The following BTD variants were observed in gnomAD, a reference collection of about 807,000 sequenced individuals.
BTD encodes the protein biocytinase.
Under a neutral mutation model 17.7 loss-of-function variants are expected in BTD, and 13 were observed. The observed-to-expected ratio is 0.74, with a 90% CI of 0.48 to 1.17. BTD has a LOEUF of 1.17. BTD is among the 50% of genes most tolerant of loss of function. BTD has a pLI of 0.00. For synonymous variants in BTD, 240 were observed against 245.2 expected, an observed-to-expected ratio of 0.98 and a Z score of 0.20; for missense variants, 674 against 650.4, an observed-to-expected ratio of 1.04 and a Z score of -0.39.
intron 2 of BTD, among the ~76,000 whole-genome samples, chr3:15,639,418 A>T (rs1224304380): frequency 6.6e-6 from 1 of 152,208 alleles, no homozygotes; most frequent in Non-Finnish European, 1.5e-5. Context: ...GGAACCAGTA[A>T]GATGGTAAAG....
chr3:15,716,199 C>G (rs1392530895), downstream of BTD, among the ~76,000 whole-genome samples: 1 of 150,780 alleles, frequency 6.6e-6, no homozygotes, highest in African/African-American at 2.4e-5. Flanking sequence ...CCAGGCTTGT[C>G]TTGAACTCAA....
intron 1 of BTD, chr3:15,630,035 G>A (rs2065167175): frequency 1.0e-6 from 1 of 985,350 alleles, no homozygotes; most frequent in Middle Eastern, 5.2e-4. Context: ...GTGTGTCACA[G>A]GGGGAATGGG....
downstream of BTD, chr3:15,713,500 G>A (rs752716647): frequency 6.3e-7 from 1 of 1,575,532 alleles, no homozygotes; most frequent in Non-Finnish European, 8.7e-7. Context: ...GCCTGTATCA[G>A]TTATCAACAC....
At chr3:15,708,177 C>A (rs772814439) in intron 3 of BTD, 1 of 1,214,400 alleles carries the variant, frequency 8.2e-7, no homozygotes. Context: ...TACAGTGAGA[C>A]TTAGACTACC....
intron 3 of BTD, among the ~76,000 whole-genome samples, chr3:15,643,228 C>A (rs2065585970): frequency 6.6e-6 from 1 of 152,070 alleles, no homozygotes; most frequent in Admixed American, 6.6e-5. Flanking sequence ...AGCCTGGGCA[C>A]AGTGCTTCAC....
chr3:15,702,383 C>T (rs368196814), intron 3 of BTD, among the ~76,000 whole-genome samples: 86 of 152,204 alleles, frequency 5.7e-4, no homozygotes, highest in African/African-American at 1.9e-3. Context: ...ACTCTTTTTT[C>T]TGTTTGCACA....
chr3:15,714,547 A>C (rs3046243), downstream of BTD: 492 of 1,463,614 alleles, frequency 3.4e-4, 1 homozygote, highest in African/African-American at 5.7e-3. Flanking sequence ...AAAAAAAAAA[A>C]CCCCAAAAAA....
chr3:15,706,054 C>A (rs1477718447), intron 3 of BTD, among the ~76,000 whole-genome samples: 2 of 130,474 alleles, frequency 1.5e-5, no homozygotes, highest in South Asian at 2.4e-4. Context: ...AAACAAAAAA[C>A]CCCTAGAATT....
rs193137051 is a variant in BTD, at chr3:15,648,898, A to G, written c.*3410A>G. ...GGGCAGAGATCACAGGGATGCCTCT[A>G]CTAGACAAGGCACACCAGAAATTGC... On this transcript the variant is annotated 3_prime_UTR_variant, in exon 4 of 4. Transcript: ENST00000643237. Among the ~76,000 whole-genome samples the G allele has an allele frequency of 1.3e-5, 2 of 152,332 alleles. No individual in the cohort carries two copies. The highest frequency in any genetic ancestry group is 4.8e-5 in the African/African-American group (2 of 41,584).
chr3:15,649,504 C>T lies in BTD; in HGVS notation c.*4016C>T, dbSNP rs1022085271. ...TCACAGCTCTCCCGTTTCTCACCTC[C>T]CAACAGTTGCTGTTCCTCAGGCCAA... On this transcript the variant is annotated 3_prime_UTR_variant, in exon 4 of 4. Coordinates refer to ENST00000643237, the MANE Select transcript of BTD (RefSeq NM_001370658.1). Among the ~76,000 whole-genome samples the T allele has an allele frequency of 6.6e-6, 1 of 152,212 alleles. No individual in the cohort carries two copies. Among genetic ancestry groups the T allele is most frequent in the African/African-American group, 2.4e-5 (1 of 41,460 alleles).
chr3:15,678,420 T>C, intron 3 of BTD: 1 of 1,464,640 alleles, frequency 6.8e-7, no homozygotes, highest in Non-Finnish European at 9.2e-7. Flanking sequence ...AAAAATATTC[T>C]TTAATTTGTG....
chr3:15,608,221 G>A (rs2064512653), intron 1 of BTD, among the ~76,000 whole-genome samples: 1 of 152,332 alleles, frequency 6.6e-6, no homozygotes, highest in Non-Finnish European at 1.5e-5. Flanking sequence ...AGGGAGACCT[G>A]GAACTGGAGA....
intron 2 of BTD, among the ~76,000 whole-genome samples, chr3:15,639,649 AT>A (rs1345317320): frequency 1.3e-5 from 2 of 152,206 alleles, no homozygotes; most frequent in Non-Finnish European, 2.9e-5. Flanking sequence ...CCCTAGTATA[AT>A]TTGGAAAGGC....
intron 3 of BTD, among the ~76,000 whole-genome samples, chr3:15,670,989 A>C (rs536939088): frequency 6.6e-6 from 1 of 152,358 alleles, no homozygotes; most frequent in Non-Finnish European, 1.5e-5. Context: ...TTATGTAAGG[A>C]AACTTTTTGA....
At chr3:15,687,230 A>C (rs1361067277) in intron 3 of BTD, among the ~76,000 whole-genome samples, 2 of 152,130 alleles carry the variant, frequency 1.3e-5, no homozygotes, top group Non-Finnish European at 2.9e-5. Context: ...GGCATGAGCC[A>C]CCGTGCCCAG....
intron 3 of BTD, among the ~76,000 whole-genome samples, chr3:15,693,605 A>ATGCTGC (rs56816346): frequency 7.2e-5 from 11 of 152,002 alleles, no homozygotes; most frequent in African/African-American, 1.2e-4. Context: ...TATAATGAGA[A>ATGCTGC]TGCTGCTGCT....
chr3:15,626,280 A>G (rs751112139), intron 1 of BTD, among the ~76,000 whole-genome samples: 3 of 152,164 alleles, frequency 2.0e-5, no homozygotes, highest in Non-Finnish European at 4.4e-5. Context: ...ATTTGGGTGA[A>G]ATCCTGGCTA....
chr3:15,666,749 C>T (rs2066002761), intron 3 of BTD, among the ~76,000 whole-genome samples: 1 of 152,172 alleles, frequency 6.6e-6, no homozygotes, highest in African/African-American at 2.4e-5. Flanking sequence ...CCAGAGCGCC[C>T]CTCCACCAAC....
chr3:15,637,756 C>T (rs2065389951), intron 2 of BTD, among the ~76,000 whole-genome samples: 3 of 152,212 alleles, frequency 2.0e-5, no homozygotes, highest in African/African-American at 7.2e-5. Context: ...CTCTTGCTTC[C>T]CTCCCCTATC....
Sources: allele counts gnomAD v4.1 joint callset (sites outside exome capture counted in the v4.1 genomes callset), GRCh38; gene constraint gnomAD v4.1.1; transcripts MANE v1.5; gene names NCBI Gene and HGNC (gene_info 2026-07-23, HGNC 2026-07-21).